The following SPMIP2 variants were observed in gnomAD, a reference collection of about 807,000 sequenced individuals.
SPMIP2 encodes protein SPMIP2.
At chr4:158,964,165 AACAAAAC>A in the SPMIP2 span, among the ~76,000 whole-genome samples, 35 of 129,354 alleles carry the variant, frequency 2.7e-4, 1 homozygote, top group East Asian at 5.9e-4. Context: ...AACAAAACAA[AACAAAAC>A]AAAACAAAAC....
At chr4:158,993,492 A>G in the SPMIP2 span, among the ~76,000 whole-genome samples, 1 of 152,016 alleles carries the variant, frequency 6.6e-6, no homozygotes, top group East Asian at 1.9e-4. Context: ...TTTTTTTTAA[A>G]TTTCTATTTT....
the SPMIP2 span, among the ~76,000 whole-genome samples, chr4:159,022,253 C>T: frequency 2.0e-5 from 3 of 152,136 alleles, no homozygotes; most frequent in Admixed American, 6.6e-5. Context: ...TAACTTTTGA[C>T]GACTTACATT....
the SPMIP2 span, among the ~76,000 whole-genome samples, chr4:159,031,321 G>A: frequency 6.6e-6 from 1 of 152,136 alleles, no homozygotes; most frequent in Non-Finnish European, 1.5e-5. Flanking sequence ...CAAGCCTCTA[G>A]AGCCAAATTC....
At chr4:158,918,971 C>T in the SPMIP2 span, among the ~76,000 whole-genome samples, 1 of 152,140 alleles carries the variant, frequency 6.6e-6, no homozygotes, top group African/African-American at 2.4e-5. Flanking sequence ...CTAAATAGGC[C>T]CCTTAGGGTC....
the SPMIP2 span, among the ~76,000 whole-genome samples, chr4:158,985,722 A>G: frequency 6.6e-6 from 1 of 150,754 alleles, no homozygotes; most frequent in South Asian, 2.1e-4. Flanking sequence ...GAAAACTGGC[A>G]CAAGACAGGG....
chr4:158,910,049 CAAA>C, the SPMIP2 span, among the ~76,000 whole-genome samples: 1 of 150,276 alleles, frequency 6.7e-6, no homozygotes, highest in African/African-American at 2.4e-5. Context: ...CAAAAAAAAA[CAAA>C]AAAAAATTTG....
At chr4:158,931,752 G>T in the SPMIP2 span, among the ~76,000 whole-genome samples, 7 of 151,778 alleles carry the variant, frequency 4.6e-5, no homozygotes, top group African/African-American at 1.7e-4. Context: ...CAGTAGGGAT[G>T]GGGTTTCACC....
At chr4:158,954,392 A>T in the SPMIP2 span, among the ~76,000 whole-genome samples, 31 of 152,184 alleles carry the variant, frequency 2.0e-4, no homozygotes, top group Non-Finnish European at 3.4e-4. Flanking sequence ...AGGCCTCCCC[A>T]GTCATGTGGA....
chr4:159,062,697 G>GTCTCTATCTCTCTCTCTCTCTCTCTCTC, the SPMIP2 span, among the ~76,000 whole-genome samples: 1 of 95,112 alleles, frequency 1.1e-5, no homozygotes, highest in Non-Finnish European at 2.2e-5. Context: ...TTGAAACAGG[G>GTCTCTATCTCTCTCTCTCTCTCTCTCTC]TCTCTCTCTC....
chr4:158,935,744 G>A, the SPMIP2 span, among the ~76,000 whole-genome samples: 1 of 152,226 alleles, frequency 6.6e-6, no homozygotes, highest in Non-Finnish European at 1.5e-5. Context: ...AATGGGGTAA[G>A]AAGATAAAAT....
At chr4:159,058,230 C>T in the SPMIP2 span, among the ~76,000 whole-genome samples, 104 of 144,780 alleles carry the variant, frequency 7.2e-4, 1 homozygote, top group Non-Finnish European at 1.3e-3. Context: ...TTGTTTTGAA[C>T]ATTTTTTAAT....
At chr4:159,014,326 G>A in the SPMIP2 span, among the ~76,000 whole-genome samples, 29 of 139,488 alleles carry the variant, frequency 2.1e-4, no homozygotes, top group East Asian at 4.6e-4. Context: ...GGTGGCTGGC[G>A]CCTATAGTCT....
At chr4:158,917,852 G>T in the SPMIP2 span, among the ~76,000 whole-genome samples, 1 of 150,404 alleles carries the variant, frequency 6.6e-6, no homozygotes, top group South Asian at 2.1e-4. Flanking sequence ...CTCCCAAGTA[G>T]CTGGGATTAC....
chr4:158,998,658 G>A, the SPMIP2 span, among the ~76,000 whole-genome samples: 3 of 152,136 alleles, frequency 2.0e-5, no homozygotes, highest in Non-Finnish European at 1.5e-5. Flanking sequence ...GAAAAGTGGG[G>A]AAGACACTAA....
the SPMIP2 span, among the ~76,000 whole-genome samples, chr4:158,975,934 C>T: frequency 5.9e-5 from 9 of 152,100 alleles, no homozygotes; most frequent in African/African-American, 1.4e-4. Flanking sequence ...TCCATGAGCA[C>T]GGAATGTTTT....
chr4:158,990,993 G>C, the SPMIP2 span, among the ~76,000 whole-genome samples: 2 of 152,130 alleles, frequency 1.3e-5, no homozygotes, highest in African/African-American at 4.8e-5. Context: ...GTGCTCTAAA[G>C]ACTTGGACTT....
chr4:159,021,361 C>G, the SPMIP2 span, among the ~76,000 whole-genome samples: 2 of 152,300 alleles, frequency 1.3e-5, no homozygotes, highest in South Asian at 4.1e-4. Context: ...ATCACAAAAT[C>G]ACAGAGGCAG....
At chr4:158,913,356 G>GCACCTCCTGAGTA in the SPMIP2 span, among the ~76,000 whole-genome samples, 2 of 152,026 alleles carry the variant, frequency 1.3e-5, no homozygotes, top group Non-Finnish European at 2.9e-5. Flanking sequence ...CTGAGTAGCT[G>GCACCTCCTGAGTA]GGATTACAGG....
chr4:158,915,502 C>A, the SPMIP2 span: 1 of 717,818 alleles, frequency 1.4e-6, no homozygotes, highest in South Asian at 2.0e-5. Context: ...AGACCTGACC[C>A]ATCCTGGGAA....
Sources: allele counts gnomAD v4.1 joint callset (sites outside exome capture counted in the v4.1 genomes callset), GRCh38; gene constraint gnomAD v4.1.1; transcripts MANE v1.5; gene names NCBI Gene and HGNC (gene_info 2026-07-23, HGNC 2026-07-21).